Variants in RAB27B observed in about 807,000 individuals in gnomAD.
RAB27B encodes the protein ras-related protein Rab-27B.
In RAB27B, 15 loss-of-function variants were observed where a neutral mutation model predicts 24.6. The ratio of observed to expected loss-of-function variants is 0.61; its 90% CI spans 0.41 to 0.94. The LOEUF (loss-of-function observed/expected upper bound fraction) is 0.94. RAB27B is among the 40% of genes least tolerant of loss of function. RAB27B has a pLI of 0.00. For missense variants in RAB27B, 261 were observed against 266.8 expected, an observed-to-expected ratio of 0.98 and a Z score of 0.15; for synonymous variants, 105 against 92.5, an observed-to-expected ratio of 1.14 and a Z score of -0.78.
intron 1 of RAB27B, among the ~76,000 whole-genome samples, chr18:54,852,380 TAGTA>T (rs1197396262): frequency 6.6e-6 from 1 of 152,182 alleles, no homozygotes; most frequent in Admixed American, 6.5e-5. Flanking sequence ...CCCAAATTCT[TAGTA>T]AGGATACTTC....
chr18:54,795,920 C>T (rs1328475986), intron 2 of RAB27B, among the ~76,000 whole-genome samples: 2 of 152,096 alleles, frequency 1.3e-5, no homozygotes, highest in Non-Finnish European at 2.9e-5. Context: ...TCAACATATG[C>T]TGCACATATT....
At position 54,787,723 on chromosome 18, in the gene RAB27B, T is replaced by C. The variant is rs1598904675; in HGVS notation, c.-20+69582T>C. ...CAAGCTTTCAGAAGAAAACACTGAC[T>C]GGATTAAAAAAAAAAAAAAACCTTC... On this transcript the variant is annotated intron_variant, in intron 2 of 4. Transcript: ENST00000586570. Among the ~76,000 whole-genome samples, 8 of 150,426 alleles carry C rather than the reference T, an allele frequency of 5.3e-5. 1 individual carries two copies. The South Asian group carries it at 1.7e-3, about 32-fold the overall frequency.
chr18:54,821,036 T>C (rs911173840), intron 2 of RAB27B, among the ~76,000 whole-genome samples: 3 of 152,184 alleles, frequency 2.0e-5, no homozygotes, highest in African/African-American at 7.2e-5. Flanking sequence ...AGAAAGTCAT[T>C]AGTAGCTTGA....
At chr18:54,855,908 T>C (rs1911766104) in intron 1 of RAB27B, among the ~76,000 whole-genome samples, 2 of 152,210 alleles carry the variant, frequency 1.3e-5, no homozygotes, top group South Asian at 4.1e-4. Flanking sequence ...GTCATCTTTA[T>C]TATACAACCA....
At chr18:54,886,621 T>C (rs1381959682) in intron 4 of RAB27B, among the ~76,000 whole-genome samples, 3 of 152,096 alleles carry the variant, frequency 2.0e-5, no homozygotes, top group African/African-American at 7.2e-5. Flanking sequence ...TACCCAAATT[T>C]TGGTGGTAGC....
chr18:54,837,433 G>A (rs1910939597), intron 1 of RAB27B, among the ~76,000 whole-genome samples: 1 of 152,032 alleles, frequency 6.6e-6, no homozygotes, highest in African/African-American at 2.4e-5. Context: ...TGAAAATCAG[G>A]CATACAAAAG....
intron 2 of RAB27B, among the ~76,000 whole-genome samples, chr18:54,785,436 GT>G (rs59750951): frequency 1.8e-4 from 18 of 101,706 alleles, no homozygotes; most frequent in East Asian, 5.9e-4. Flanking sequence ...CCTTCCTCAG[GT>G]TTTTTTTTTT....
At chr18:54,745,839 T>TATA (rs1910225280) in intron 2 of RAB27B, among the ~76,000 whole-genome samples, 1 of 146,562 alleles carries the variant, frequency 6.8e-6, no homozygotes, top group Admixed American at 6.9e-5. Flanking sequence ...TATTATATTA[T>TATA]ATATTATTAT....
intron 2 of RAB27B, among the ~76,000 whole-genome samples, chr18:54,813,018 AC>A (rs1362686651): frequency 6.6e-6 from 1 of 152,166 alleles, no homozygotes; most frequent in Admixed American, 6.5e-5. Context: ...CAGAGAAGAA[AC>A]AAAATGTCAT....
chr18:54,761,941 A>C (rs578217172), intron 2 of RAB27B, among the ~76,000 whole-genome samples: 1 of 152,302 alleles, frequency 6.6e-6, no homozygotes, highest in South Asian at 2.1e-4. Context: ...GTAAGAATTG[A>C]GATGAGATCC....
At chr18:54,835,174 C>G (rs961074231) in intron 1 of RAB27B, among the ~76,000 whole-genome samples, 12 of 151,824 alleles carry the variant, frequency 7.9e-5, no homozygotes, top group African/African-American at 2.7e-4. Context: ...TTAGATTTTT[C>G]AGAGGGAAAG....
chr18:54,881,232 T>C (rs979792560), intron 3 of RAB27B, among the ~76,000 whole-genome samples: 5 of 152,168 alleles, frequency 3.3e-5, no homozygotes, highest in African/African-American at 1.2e-4. Context: ...GCAAATCGAC[T>C]TGCAGGGAGA....
Position 54,877,674 on chromosome 18 carries a change from C to G in RAB27B, c.89C>G (p.Thr30Arg). The G allele has an allele frequency of 6.3e-7, 1 of 1,596,788 alleles. No individual in the cohort carries two copies. The highest frequency in any genetic ancestry group is 8.5e-7 in the Non-Finnish European group (1 of 1,175,238). Reference protein sequence around the residue: ...VGKTTFLYRYTDNKFNPKFIT... With the variant: ...VGKTTFLYRYRDNKFNPKFIT... Reference sequence around the variant, plus strand: ...AAGACAACATTTCTTTATAGATACACAGATAATAAATTCAATCCCAAATTC... The same window carrying G: ...AAGACAACATTTCTTTATAGATACAGAGATAATAAATTCAATCCCAAATTC... Residue 30 changes from threonine to arginine, a missense_variant, in exon 2 of 6, where the codon ACA (threonine) becomes AGA (arginine). Thr to Arg is a moderately conservative substitution (Grantham distance 71). Coordinates refer to ENST00000262094, the MANE Select transcript of RAB27B (RefSeq NM_004163.4).
intron 1 of RAB27B, among the ~76,000 whole-genome samples, chr18:54,852,758 TC>T (rs1156452925): frequency 5.3e-5 from 8 of 152,120 alleles, no homozygotes; most frequent in African/African-American, 1.9e-4. Flanking sequence ...ACCTTATTGT[TC>T]CCCTCAAGTT....
At chr18:54,749,822 G>A (rs950189705) in intron 2 of RAB27B, among the ~76,000 whole-genome samples, 2 of 151,964 alleles carry the variant, frequency 1.3e-5, no homozygotes, top group African/African-American at 4.8e-5. Context: ...TTGGGTGGGG[G>A]GTTGGTTGTT....
chr18:54,736,388 C>T (rs1400206226), intron 2 of RAB27B, among the ~76,000 whole-genome samples: 1 of 151,944 alleles, frequency 6.6e-6, no homozygotes, highest in Non-Finnish European at 1.5e-5. Flanking sequence ...TAATAAAGAA[C>T]TACTTTACCA....
chr18:54,841,871 G>A (rs920101166), intron 1 of RAB27B, among the ~76,000 whole-genome samples: 8 of 152,080 alleles, frequency 5.3e-5, no homozygotes, highest in African/African-American at 1.9e-4. Context: ...CCAATTTCCA[G>A]TCCTCCAGCC....
At chr18:54,756,591 T>C (rs1303595199) in intron 2 of RAB27B, among the ~76,000 whole-genome samples, 9 of 152,286 alleles carry the variant, frequency 5.9e-5, no homozygotes, top group African/African-American at 2.2e-4. Context: ...CTGGTGTTGA[T>C]GAACAGGAGC....
At chr18:54,791,538 C>T (rs1909246056) in intron 2 of RAB27B, among the ~76,000 whole-genome samples, 1 of 152,100 alleles carries the variant, frequency 6.6e-6, no homozygotes. Flanking sequence ...GAGTGTGATC[C>T]CTTTAAATGA....
Sources: allele counts gnomAD v4.1 joint callset (sites outside exome capture counted in the v4.1 genomes callset), GRCh38; gene constraint gnomAD v4.1.1; transcripts MANE v1.5; gene names NCBI Gene and HGNC (gene_info 2026-07-23, HGNC 2026-07-21).